The following RNF146 variants were observed in gnomAD, a reference collection of about 807,000 sequenced individuals.
RNF146 encodes ring finger protein 146.
In RNF146, 11 loss-of-function variants were observed where a neutral mutation model predicts 29.7. The observed-to-expected ratio is 0.37, with a 90% CI of 0.23 to 0.61. The LOEUF is 0.61. RNF146 is among the 20% of genes least tolerant of loss of function. The pLI is 0.66. For synonymous variants in RNF146, 150 were observed against 159.7 expected (o/e 0.94, Z 0.46); for missense variants, 342 against 438.9 (o/e 0.78, Z 1.97).
intron 1 of RNF146, among the ~76,000 whole-genome samples, chr6:127,278,617 A>C (rs986262346): frequency 6.6e-6 from 1 of 151,976 alleles, no homozygotes; most frequent in Non-Finnish European, 1.5e-5. Context: ...CCTTTTGCCT[A>C]ATATTTCCGC....
At chr6:127,285,716 TG>T (rs1779424008) in intron 2 of RNF146, among the ~76,000 whole-genome samples, 1 of 151,934 alleles carries the variant, frequency 6.6e-6, no homozygotes, top group Admixed American at 6.6e-5. Flanking sequence ...TCTGCTCCAC[TG>T]CCCAGCCCCT....
At chr6:127,269,839 G>A (rs180976088) in intron 1 of RNF146, among the ~76,000 whole-genome samples, 12 of 152,198 alleles carry the variant, frequency 7.9e-5, no homozygotes, top group Non-Finnish European at 1.5e-4. Context: ...AACATTTCAA[G>A]TATTTTTTCT....
chr6:127,273,265 G>A (rs1005217899), intron 1 of RNF146, among the ~76,000 whole-genome samples: 1 of 152,122 alleles, frequency 6.6e-6, no homozygotes, highest in Non-Finnish European at 1.5e-5. Context: ...ATAGCAACAG[G>A]AAATTATTAC....
chr6:127,286,285 GTAT>G lies in RNF146; in HGVS notation c.3-330_3-328del. On this transcript the variant is annotated intron_variant, in intron 2 of 2. Coordinates refer to ENST00000368314, the MANE Select transcript of RNF146 (RefSeq NM_001242850.2). This position sits in a 1 kb window ranked among gnomAD's most constrained non-coding sequence, Gnocchi z 4.6. ...TTTCTTGTCTAGCATTCATTTCACT[GTAT>G]AATAGCTGCCATGATTCAAGGTATC... The G allele has an allele frequency of 2.4e-6, 2 of 835,962 alleles. No homozygotes were observed. The highest frequency in any genetic ancestry group is 3.2e-6 in the Non-Finnish European group (2 of 616,812). The allele number at this position is 835,962 out of a possible 1,614,324, so 51.8% of individuals were successfully genotyped here. A position where few individuals can be genotyped will look rare whatever the true frequency, so the allele number is the denominator to read the frequency against.
chr6:127,284,699 T>C (rs1446933552), intron 2 of RNF146, among the ~76,000 whole-genome samples: 1 of 151,924 alleles, frequency 6.6e-6, no homozygotes, highest in African/African-American at 2.4e-5. Flanking sequence ...ACAAGATCTT[T>C]GAAGGCAAGT....
At chr6:127,282,120 C>G (rs1015283247) in intron 2 of RNF146, among the ~76,000 whole-genome samples, 1 of 151,738 alleles carries the variant, frequency 6.6e-6, no homozygotes, top group Admixed American at 6.6e-5. Flanking sequence ...TTTTGCACCA[C>G]ACAAAAGTGA....
chr6:127,285,442 T>C (rs1779381727), intron 2 of RNF146: 2 of 609,834 alleles, frequency 3.3e-6, no homozygotes, highest in Non-Finnish European at 4.1e-6. Context: ...ATTTTAAGCT[T>C]TCAATCTCTG....
Position 127,285,134 on chromosome 6 carries a change from T to C in RNF146, c.3-1482T>C, listed in dbSNP as rs185800055. ...AACATTTTAGTGATCAGTTCTTCCA[T>C]TGAGACTGTGTTGGTTCCTTTACTA... is the stretch of plus-strand genomic sequence containing the variant. On this transcript the variant is annotated intron_variant, in intron 2 of 2. Coordinates refer to ENST00000368314, the MANE Select transcript of RNF146 (RefSeq NM_001242850.2). 64 of 838,178 alleles carry C rather than the reference T, an allele frequency of 7.6e-5. No individual in the cohort carries two copies. The African/African-American group carries it at 1.1e-3, about 14-fold the overall frequency. 51.9% of individuals were successfully genotyped at this position (838,178 alleles called of 1,614,324 possible).
intron 1 of RNF146, among the ~76,000 whole-genome samples, chr6:127,267,902 T>G (rs1776889834): frequency 6.6e-6 from 1 of 152,208 alleles, no homozygotes; most frequent in South Asian, 2.1e-4. Context: ...TTCTAAAGAA[T>G]GTAAAATTGT....
intron 2 of RNF146, 124 bp downstream of exon 2, chr6:127,280,464 C>T: frequency 7.5e-7 from 1 of 1,332,884 alleles, no homozygotes. Context: ...TTTCTTTTGA[C>T]TTATAGGTGC....
chr6:127,269,389 A>G (rs1777133320), intron 1 of RNF146, among the ~76,000 whole-genome samples: 1 of 152,224 alleles, frequency 6.6e-6, no homozygotes, highest in African/African-American at 2.4e-5. Context: ...TGGCTAAGAA[A>G]CATCTGTGTG....
chr6:127,280,894 A>G (rs1248823669), intron 2 of RNF146: 1 of 151,692 alleles, frequency 6.6e-6, no homozygotes. Context: ...ACTACCTTGG[A>G]TTTGTCCATA....
In RNF146 at chr6:127,280,360, T is replaced by G. The variant is rs1778768640; in HGVS notation, c.2+20T>G. The G allele has an allele frequency of 6.5e-7, 1 of 1,546,750 alleles. No homozygotes were observed. Among genetic ancestry groups the G allele is most frequent in the Admixed American group, 2.0e-5 (1 of 50,902 alleles). ...AGAAATGTAAGTGTAGCATCATGGT[T>G]TTTTTCAGTGCTGCAGTAAATTAAA... On this transcript the variant is annotated intron_variant, in intron 2 of 2. Coordinates refer to ENST00000368314, the MANE Select transcript of RNF146 (RefSeq NM_001242850.2).
At chr6:127,266,795 C>G (rs1353178811), upstream of RNF146, 2 of 151,624 alleles carry the variant, frequency 1.3e-5, no homozygotes, top group Admixed American at 1.3e-4. Context: ...GGTGCGGGTG[C>G]GCGGCGCGTC....
At chr6:127,282,774 G>A (rs1311840170) in intron 2 of RNF146, among the ~76,000 whole-genome samples, 1 of 151,630 alleles carries the variant, frequency 6.6e-6, no homozygotes, top group Admixed American at 6.6e-5. Flanking sequence ...GTTATTTCCT[G>A]ACGTAAAACC....
In RNF146 at chr6:127,287,965, A is replaced by G; in HGVS notation, c.*272A>G. Reference sequence around the variant, plus strand: ...CTTTATACTTTTTAAAAACTTCTGTAGTTCTTTTGGCCAGTGTGTTTGTAT... The same window carrying G: ...CTTTATACTTTTTAAAAACTTCTGTGGTTCTTTTGGCCAGTGTGTTTGTAT... On this transcript the variant is annotated 3_prime_UTR_variant, in exon 3 of 3. Transcript: ENST00000368314. The G allele has an allele frequency of 3.8e-6, 1 of 266,388 alleles. No individual in the cohort carries two copies. Among genetic ancestry groups the G allele is most frequent in the African/African-American group, 2.2e-5 (1 of 44,694 alleles). 16.5% of individuals were successfully genotyped at this position (266,388 alleles called of 1,614,324 possible).
Position 127,287,459 on chromosome 6 carries a change from C to T in RNF146, c.846C>T (p.Asp282=), listed in dbSNP as rs748665274. 7 of 1,613,316 alleles carry T rather than the reference C, an allele frequency of 4.3e-6. No individual in the cohort carries two copies. Among genetic ancestry groups the T allele is most frequent in the Non-Finnish European group, 5.9e-6 (7 of 1,179,596 alleles). ...SPSSGRVPAP[D]TSIEETESDA... ...CTTCAGGCAGGGTACCAGCACCAGA[C>T]ACCTCCATTGAAGAAACTGAATCAG... is the stretch of plus-strand genomic sequence containing the variant. The change falls in exon 3 of 3, where the codon GAC becomes GAT. Residue 282 remains aspartate (D), a synonymous_variant. Coordinates refer to ENST00000368314, the MANE Select transcript of RNF146 (RefSeq NM_001242850.2).
chr6:127,276,969 G>T (rs1778297047), intron 1 of RNF146, among the ~76,000 whole-genome samples: 1 of 152,046 alleles, frequency 6.6e-6, no homozygotes, highest in Non-Finnish European at 1.5e-5. Flanking sequence ...TTTCTAACAA[G>T]CAATTTCAGT....
Position 127,286,004 on chromosome 6 carries a change from C to T in RNF146, c.3-612C>T. On this transcript the variant is annotated intron_variant, in intron 2 of 2. Coordinates refer to ENST00000368314, the MANE Select transcript of RNF146 (RefSeq NM_001242850.2). The surrounding 1 kb of genome is among the most constrained non-coding windows in gnomAD (Gnocchi z 4.6). ...TATAAATTTTATGTCAGTGTTTAAG[C>T]TAGATACATCCAATTTGACAAATCT... 1 of 1,210,600 alleles carries T rather than the reference C, an allele frequency of 8.3e-7. No individual in the cohort carries two copies. Among genetic ancestry groups the T allele is most frequent in the East Asian group, 3.2e-5 (1 of 31,336 alleles). 75.0% of individuals were successfully genotyped at this position (1,210,600 alleles called of 1,614,324 possible).
Sources: allele counts gnomAD v4.1 joint callset (sites outside exome capture counted in the v4.1 genomes callset), GRCh38; gene constraint gnomAD v4.1.1; non-coding constraint Gnocchi (gnomAD v3.1); transcripts MANE v1.5; gene names NCBI Gene and HGNC (gene_info 2026-07-23, HGNC 2026-07-21).